The following YAP1 variants were observed in gnomAD, a reference collection of about 807,000 sequenced individuals.
The protein encoded by YAP1 is transcriptional coactivator YAP1.
A neutral mutation model predicts 56.9 loss-of-function variants in YAP1; 5 were observed. The ratio of observed to expected loss-of-function variants is 0.09; its 90% confidence interval spans 0.05 to 0.18. The LOEUF (loss-of-function observed/expected upper bound fraction) is 0.18, where lower values mean the gene tolerates loss of function less well. Among genes scored for constraint, YAP1 ranks in the 10% least tolerant of loss-of-function variants. The pLI is 1.00. For missense variants in YAP1, 539 were observed against 651.8 expected (o/e 0.83, Z 1.88); for synonymous variants, 265 against 248.1 (o/e 1.07, Z -0.64).
At chr11:102,170,124 T>C (rs1946823949) in intron 3 of YAP1, among the ~76,000 whole-genome samples, 1 of 152,196 alleles carries the variant, frequency 6.6e-6, no homozygotes, top group African/African-American at 2.4e-5. Flanking sequence ...AAGATGCCAC[T>C]CGTGTCAGGG....
chr11:102,193,849 T>G (rs1430327278), intron 4 of YAP1, among the ~76,000 whole-genome samples: 2 of 151,678 alleles, frequency 1.3e-5, no homozygotes, highest in African/African-American at 4.8e-5. Context: ...TTTTGTTTTT[T>G]TTTTTTTGAG....
rs1391541668 is a variant in YAP1, at chr11:102,110,901, A to T, written c.53A>T (p.Gln18Leu). The change falls in exon 1 of 9, where the codon CAG (glutamine) becomes CTG (leucine). Residue 18 changes from glutamine (Q) to leucine (L), a missense_variant. Physicochemically the swap from Gln to Leu is moderately radical, Grantham distance 113. Around this residue, in one of 4 missense-constraint regions of YAP1, gnomAD observed 106 missense variants for 86.6 expected, o/e 1.22. Coordinates refer to ENST00000282441, the MANE Select transcript of YAP1 (RefSeq NM_001130145.3). Reference protein sequence around the residue: ...PPQPAPQGQGQPPSQPPQGQG... With the variant: ...PPQPAPQGQGLPPSQPPQGQG... ...CAACCGGCCCCCCAGGGCCAAGGGC[A>T]GCCGCCTTCGCAGCCCCCGCAGGGG... 4 of 1,435,734 alleles carry T rather than the reference A, an allele frequency of 2.8e-6. No homozygotes were observed. In the South Asian group the frequency reaches 5.6e-5, roughly 20 times the overall value. The allele number at this position is 1,435,734 out of a possible 1,614,324, so 88.9% of individuals were successfully genotyped here. A position where few individuals can be genotyped will look rare whatever the true frequency, so the allele number is the denominator to read the frequency against.
At position 102,111,118 on chromosome 11, in the gene YAP1, G is replaced by A. The variant is rs758167784; in HGVS notation, c.270G>A (p.Lys90=). The change falls in exon 1 of 9, where the codon AAG becomes AAA. Residue 90 remains lysine (K), a synonymous_variant. Transcript: ENST00000282441. ...VPQTVPMRLR[K]LPDSFFKPPE... is the part of the protein sequence containing the mutation. Reference sequence around the variant, plus strand: ...AGACCGTGCCCATGAGGCTCCGGAAGCTGCCCGACTCCTTCTTCAAGCCGC... The same window carrying A: ...AGACCGTGCCCATGAGGCTCCGGAAACTGCCCGACTCCTTCTTCAAGCCGC... 6 of 1,613,398 alleles carry A rather than the reference G, an allele frequency of 3.7e-6. No homozygotes were observed. Among genetic ancestry groups the A allele is most frequent in the Middle Eastern group, 1.7e-4 (1 of 6,060 alleles).
intron 2 of YAP1, among the ~76,000 whole-genome samples, chr11:102,159,655 CTT>C (rs1158001766): frequency 2.6e-5 from 4 of 152,054 alleles, no homozygotes; most frequent in Non-Finnish European, 5.9e-5. Flanking sequence ...GTCCTGGTTG[CTT>C]TTATATATGT....
chr11:102,212,749 T>A (rs530343412), intron 6 of YAP1, among the ~76,000 whole-genome samples: 1 of 152,164 alleles, frequency 6.6e-6, no homozygotes, highest in East Asian at 1.9e-4. Flanking sequence ...GCCCGGCTAA[T>A]TTTGTGTTTT....
At chr11:102,177,699 T>C (rs990402624) in intron 3 of YAP1, among the ~76,000 whole-genome samples, 2 of 151,078 alleles carry the variant, frequency 1.3e-5, no homozygotes, top group East Asian at 1.9e-4. Context: ...AAAAAAAGTT[T>C]ATGTGAAAGT....
At chr11:102,210,195 G>T (rs1949328199) in intron 6 of YAP1, among the ~76,000 whole-genome samples, 1 of 152,210 alleles carries the variant, frequency 6.6e-6, no homozygotes, top group African/African-American at 2.4e-5. Context: ...ACAGGCACTT[G>T]TCTGACTCGT....
intron 4 of YAP1, 121 bp downstream of exon 4, chr11:102,186,252 GC>G: frequency 9.1e-7 from 1 of 1,094,374 alleles, no homozygotes; most frequent in Non-Finnish European, 1.3e-6. Context: ...AAATGACCCT[GC>G]CCACCCAATG....
intron 3 of YAP1, among the ~76,000 whole-genome samples, chr11:102,176,012 G>C (rs1947226075): frequency 6.6e-6 from 1 of 152,108 alleles, no homozygotes. Context: ...TCAAGCATAT[G>C]AATTTCAGAT....
intron 4 of YAP1, among the ~76,000 whole-genome samples, chr11:102,196,429 T>A (rs935935238): frequency 1.3e-5 from 2 of 152,100 alleles, no homozygotes; most frequent in African/African-American, 4.8e-5. Flanking sequence ...CATGAATAAA[T>A]CTGGAAAACA....
intron 2 of YAP1, among the ~76,000 whole-genome samples, chr11:102,144,761 C>T (rs938028745): frequency 6.6e-6 from 1 of 151,958 alleles, no homozygotes; most frequent in Non-Finnish European, 1.5e-5. Context: ...TTTAATTTTG[C>T]GAATGTTGCC....
At chr11:102,207,846 C>T (rs1448416580) in intron 5 of YAP1, among the ~76,000 whole-genome samples, 6 of 152,122 alleles carry the variant, frequency 3.9e-5, no homozygotes, top group Admixed American at 2.6e-4. Flanking sequence ...TGCCAACATA[C>T]GATGTCAGGA....
chr11:102,209,417 G>C, intron 5 of YAP1, 100 bp from the exon 6 acceptor site: 1 of 1,077,384 alleles, frequency 9.3e-7, no homozygotes, highest in Non-Finnish European at 1.4e-6. Flanking sequence ...TGGGAATTCT[G>C]TGCTATGGTG....
chr11:102,134,587 A>C (rs750296390), intron 2 of YAP1, among the ~76,000 whole-genome samples: 21 of 151,514 alleles, frequency 1.4e-4, no homozygotes, highest in Non-Finnish European at 2.5e-4. Flanking sequence ...ATACGCTTCC[A>C]GGTTAACCAC....
At chr11:102,141,825 A>G (rs1376747614) in intron 2 of YAP1, among the ~76,000 whole-genome samples, 1 of 152,208 alleles carries the variant, frequency 6.6e-6, no homozygotes, top group African/African-American at 2.4e-5. Context: ...CACTTAGCAT[A>G]GTTTGTCTGG....
chr11:102,160,967 A>ATTTGTCTGCTTC (rs954069073), intron 2 of YAP1, among the ~76,000 whole-genome samples: 1 of 150,170 alleles, frequency 6.7e-6, no homozygotes, highest in Non-Finnish European at 1.5e-5. Context: ...GCACAACTAA[A>ATTTGTCTGCTTC]TTTGTCTGCT....
intron 6 of YAP1, among the ~76,000 whole-genome samples, chr11:102,211,362 G>A (rs1392371195): frequency 3.3e-5 from 5 of 152,154 alleles, no homozygotes; most frequent in Admixed American, 6.5e-5. Context: ...TAGTAGTAAA[G>A]CTTCTAAGAT....
chr11:102,184,328 A>G lies in YAP1; in HGVS notation c.689-1690A>G, dbSNP rs370541035. Among the ~76,000 whole-genome samples the G allele has an allele frequency of 1.4e-4, 22 of 152,324 alleles. No individual in the cohort carries two copies. In the East Asian group the frequency reaches 3.9e-3, roughly 27 times the overall value. On this transcript the variant is annotated intron_variant, in intron 3 of 8. Transcript: ENST00000282441. ...GGAGTTCTGTCTTTCTGGGGAGGAA[A>G]TAGAGCCCAAAATGACAGTGAAAGC...
At chr11:102,120,538 GTCTC>G (rs751073841) in intron 2 of YAP1, among the ~76,000 whole-genome samples, 3 of 152,236 alleles carry the variant, frequency 2.0e-5, no homozygotes, top group South Asian at 2.1e-4. Flanking sequence ...ACTTTAATTT[GTCTC>G]TCTATCTCTT....
Sources: allele counts gnomAD v4.1 joint callset (sites outside exome capture counted in the v4.1 genomes callset), GRCh38; gene constraint gnomAD v4.1.1; regional missense constraint gnomAD v4.1.1; transcripts MANE v1.5; gene names NCBI Gene and HGNC (gene_info 2026-07-23, HGNC 2026-07-21).